The following DNAAF19 variants were observed in gnomAD, a reference collection of about 807,000 sequenced individuals.
DNAAF19 encodes coiled-coil domain containing 103.
the DNAAF19 span, chr17:44,903,762 C>G: frequency 2.0e-6 from 3 of 1,476,466 alleles, no homozygotes; most frequent in Non-Finnish European, 2.7e-6. Flanking sequence ...GCAGAGCTTT[C>G]TAGGAGCCCT....
chr17:44,901,259 T>G, the DNAAF19 span: 1 of 1,248,816 alleles, frequency 8.0e-7, no homozygotes, highest in Non-Finnish European at 1.1e-6. Context: ...TTTGATCTTA[T>G]GCAATTTCCT....
chr17:44,901,862 G>A, the DNAAF19 span, among the ~76,000 whole-genome samples: 1 of 152,148 alleles, frequency 6.6e-6, no homozygotes, highest in Non-Finnish European at 1.5e-5. Context: ...GAAGTGGGCA[G>A]AATGAGTCAG....
At chr17:44,902,806 C>T in the DNAAF19 span, 1 of 1,549,912 alleles carries the variant, frequency 6.5e-7, no homozygotes, top group African/African-American at 1.4e-5. Context: ...GGAGCTGTAC[C>T]AGGTTGACTG....
chr17:44,905,174 C>A, the DNAAF19 span: 1 of 876,104 alleles, frequency 1.1e-6, no homozygotes, highest in Non-Finnish European at 1.8e-6. Flanking sequence ...GTGGTAGGAA[C>A]ATGTGGACAA....
chr17:44,902,495 A>G, the DNAAF19 span: 1 of 1,614,236 alleles, frequency 6.2e-7, no homozygotes, highest in Non-Finnish European at 8.5e-7. Context: ...TGCCTCTTCC[A>G]GACAGATGTG....
chr17:44,903,583 G>C, the DNAAF19 span: 11 of 1,403,346 alleles, frequency 7.8e-6, no homozygotes, highest in South Asian at 1.7e-5. Context: ...TAAAGGCCAG[G>C]TTCTAGAATG....
the DNAAF19 span, chr17:44,901,724 TG>T: frequency 9.5e-5 from 142 of 1,493,068 alleles, no homozygotes; most frequent in Non-Finnish European, 1.2e-4. Flanking sequence ...TTTTTCATTT[TG>T]TTTTGTTTTG....
chr17:44,904,879 G>A, the DNAAF19 span: 1 of 1,550,656 alleles, frequency 6.4e-7, no homozygotes, highest in Non-Finnish European at 8.7e-7. Context: ...GGCAGGGTGT[G>A]CTAGTTGCTG....
the DNAAF19 span, chr17:44,904,240 T>C: frequency 1.3e-6 from 2 of 1,550,442 alleles, no homozygotes; most frequent in African/African-American, 1.4e-5. Flanking sequence ...ACGCCTACGA[T>C]GTGGACATCC....
the DNAAF19 span, chr17:44,901,514 C>T: frequency 1.2e-6 from 2 of 1,614,028 alleles, no homozygotes; most frequent in Non-Finnish European, 1.7e-6. Flanking sequence ...TGTCCTTTGC[C>T]TACAGGGGTA....
the DNAAF19 span, chr17:44,905,064 C>T: frequency 6.5e-7 from 1 of 1,539,270 alleles, no homozygotes; most frequent in Non-Finnish European, 8.8e-7. Flanking sequence ...CCCAGCTTCT[C>T]CCCCTAGGAG....
At chr17:44,904,002 A>T in the DNAAF19 span, 2 of 1,550,520 alleles carry the variant, frequency 1.3e-6, no homozygotes, top group Non-Finnish European at 1.7e-6. Flanking sequence ...TGCAAACCCG[A>T]AGAGGTGCCA....
At chr17:44,901,075 A>G in the DNAAF19 span, 1 of 1,604,712 alleles carries the variant, frequency 6.2e-7, no homozygotes, top group Non-Finnish European at 8.5e-7. Flanking sequence ...GATGAGAAGT[A>G]CAAACGGGAG....
chr17:44,901,759 C>A, the DNAAF19 span: 2 of 1,261,036 alleles, frequency 1.6e-6, no homozygotes, highest in Non-Finnish European at 2.2e-6. Flanking sequence ...ACCACACATA[C>A]CTCTTCTTTA....
At chr17:44,903,601 C>A in the DNAAF19 span, 61 of 1,403,032 alleles carry the variant, frequency 4.3e-5, no homozygotes, top group Non-Finnish European at 5.6e-5. Context: ...ATGGCTTTCC[C>A]CCCCCACCCT....
chr17:44,900,967 A>T, the DNAAF19 span: 14 of 1,581,914 alleles, frequency 8.9e-6, no homozygotes, highest in Non-Finnish European at 1.2e-5. Flanking sequence ...GTCCACTGAC[A>T]TGTATTCCCT....
chr17:44,905,102 C>A, the DNAAF19 span: 1 of 1,469,670 alleles, frequency 6.8e-7, no homozygotes, highest in South Asian at 1.3e-5. Context: ...GACCAGTTGT[C>A]CTTCAATGTG....
the DNAAF19 span, chr17:44,905,133 G>A: frequency 7.6e-7 from 1 of 1,315,932 alleles, no homozygotes; most frequent in East Asian, 2.5e-5. Context: ...GATACCAGAT[G>A]TCTCTGGGTG....
the DNAAF19 span, chr17:44,901,491 A>C: frequency 6.2e-7 from 1 of 1,613,736 alleles, no homozygotes; most frequent in Non-Finnish European, 8.5e-7. Context: ...CATTAAGTCC[A>C]TTGCCTAATT....
Sources: allele counts gnomAD v4.1 joint callset (sites outside exome capture counted in the v4.1 genomes callset), GRCh38; gene constraint gnomAD v4.1.1; transcripts MANE v1.5; gene names NCBI Gene and HGNC (gene_info 2026-07-23, HGNC 2026-07-21).